NPAS3: variants seen among roughly 807,000 people sequenced by gnomAD.
NPAS3 encodes neuronal PAS domain-containing protein 3.
Under a neutral mutation model 73.1 loss-of-function variants are expected in NPAS3, and 14 were observed. The observed-to-expected ratio is 0.19, with a 90% confidence interval of 0.13 to 0.30. The LOEUF (loss-of-function observed/expected upper bound fraction) is 0.30. Ranked by LOEUF, NPAS3 falls within the 10% of genes least tolerant of loss-of-function variation. The probability of loss-of-function intolerance (pLI) is 1.00; values close to 1 mark genes in which losing one functional copy is unlikely to be tolerated. For synonymous variants in NPAS3, 620 were observed against 541.5 expected (o/e 1.14, Z -2.01); for missense variants, 1,096 against 1,250.0 (o/e 0.88, Z 1.86).
chr14:33,443,094 T>A (rs1161559960), intron 4 of NPAS3, among the ~76,000 whole-genome samples: 1 of 152,204 alleles, frequency 6.6e-6, no homozygotes, highest in Non-Finnish European at 1.5e-5. Context: ...TTGACCAGCT[T>A]CCCTCAGTTA....
chr14:33,612,967 A>C (rs576897448), intron 5 of NPAS3, among the ~76,000 whole-genome samples: 1 of 152,362 alleles, frequency 6.6e-6, no homozygotes, highest in Admixed American at 6.5e-5. Flanking sequence ...AAAAAAGAAA[A>C]AGAAAAAAGC....
intron 1 of NPAS3, among the ~76,000 whole-genome samples, chr14:33,036,307 G>T (rs777735178): frequency 6.6e-6 from 1 of 152,122 alleles, no homozygotes; most frequent in Non-Finnish European, 1.5e-5. Flanking sequence ...TATAATAACT[G>T]CTGGCAGCTT....
chr14:33,492,263 A>G (rs1485920023), intron 4 of NPAS3, among the ~76,000 whole-genome samples: 2 of 152,144 alleles, frequency 1.3e-5, no homozygotes, highest in African/African-American at 2.4e-5. Context: ...TACCTCTGAA[A>G]GATTTTCATG....
intron 3 of NPAS3, among the ~76,000 whole-genome samples, chr14:33,311,621 C>A (rs1429349185): frequency 6.6e-6 from 1 of 152,078 alleles, no homozygotes; most frequent in East Asian, 1.9e-4. Context: ...TACAAGGTAG[C>A]CTTAATTCAT....
chr14:33,134,363 C>T (rs781419737), intron 2 of NPAS3, among the ~76,000 whole-genome samples: 20 of 152,174 alleles, frequency 1.3e-4, no homozygotes, highest in African/African-American at 3.1e-4. Context: ...ACACTGTCAA[C>T]GGCGCTATCA....
In NPAS3 at chr14:33,800,257, G is replaced by A. The variant is rs748056286; in HGVS notation, c.1950G>A (p.Thr650=). Residue 650 remains threonine, a synonymous_variant, in exon 12 of 12, where the codon ACG becomes ACA. Transcript: ENST00000356141. This position sits in a 1 kb window ranked among gnomAD's most constrained non-coding sequence, Gnocchi z 6.5. ...GTGCCTCGGTGCTCAAGATCAAGAC[G>A]GAGATCTCAGAACCCATCAATTTCG... 3 of 1,613,334 alleles carry A rather than the reference G, an allele frequency of 1.9e-6. No individual in the cohort carries two copies. Among genetic ancestry groups the A allele is most frequent in the East Asian group, 4.5e-5 (2 of 44,832 alleles).
chr14:33,089,632 G>C (rs4578549), intron 2 of NPAS3, among the ~76,000 whole-genome samples: 79,455 of 151,832 alleles, frequency 0.52, 21,438 homozygotes, highest in African/African-American at 0.67. Context: ...CATTCAAATT[G>C]AGGAAATACA....
intron 4 of NPAS3, among the ~76,000 whole-genome samples, chr14:33,440,049 G>A (rs1037185106): frequency 6.6e-6 from 1 of 151,486 alleles, no homozygotes. Context: ...CCAGGAGGCA[G>A]AGCTTGCAGT....
intron 4 of NPAS3, among the ~76,000 whole-genome samples, chr14:33,400,748 G>A (rs2047409475): frequency 6.6e-6 from 1 of 152,010 alleles, no homozygotes; most frequent in African/African-American, 2.4e-5. Context: ...AATAAGATGA[G>A]TGGTAGTGGG....
chr14:33,187,592 G>A (rs67872912), intron 2 of NPAS3, among the ~76,000 whole-genome samples: 47,087 of 152,062 alleles, frequency 0.31, 8,140 homozygotes, highest in East Asian at 0.51. Context: ...AGCTACTCAG[G>A]AAGCTGAGAC....
At chr14:33,070,277 CT>C (rs199666619) in intron 2 of NPAS3, among the ~76,000 whole-genome samples, 2 of 151,456 alleles carry the variant, frequency 1.3e-5, no homozygotes, top group Admixed American at 6.6e-5. Flanking sequence ...TATCTCCTTT[CT>C]TTTTTTTTCT....
chr14:33,769,753 T>TTCC (rs1566519962), intron 7 of NPAS3, among the ~76,000 whole-genome samples: 67 of 107,914 alleles, frequency 6.2e-4, no homozygotes, highest in Admixed American at 8.9e-4. Context: ...GGATTTTTTT[T>TTCC]TTCTTTTTTT....
chr14:33,723,852 C>A (rs915210185), intron 6 of NPAS3, among the ~76,000 whole-genome samples: 1 of 152,154 alleles, frequency 6.6e-6, no homozygotes, highest in Non-Finnish European at 1.5e-5. Context: ...TTCCTGTGTA[C>A]CCCTCAGCTC....
chr14:33,472,633 T>A (rs2050836792), intron 4 of NPAS3, among the ~76,000 whole-genome samples: 1 of 144,332 alleles, frequency 6.9e-6, no homozygotes, highest in African/African-American at 2.9e-5. Context: ...TGGAGGTTAG[T>A]GAGAAATGAT....
chr14:33,405,517 A>T (rs2047628023), intron 4 of NPAS3, among the ~76,000 whole-genome samples: 1 of 152,126 alleles, frequency 6.6e-6, no homozygotes, highest in Admixed American at 6.6e-5. Context: ...TACAGTGAGG[A>T]ACTTGACCAG....
At chr14:33,197,268 T>TG (rs1555353808) in intron 2 of NPAS3, among the ~76,000 whole-genome samples, 1,289 of 98,026 alleles carry the variant, frequency 0.013, 8 homozygotes, top group African/African-American at 0.025. Context: ...TGTGTGTGTG[T>TG]TCTTTTTCAA....
intron 6 of NPAS3, among the ~76,000 whole-genome samples, chr14:33,709,027 T>C (rs570285754): frequency 2.9e-4 from 44 of 152,326 alleles, no homozygotes; most frequent in Admixed American, 2.4e-3. Context: ...CTATTACTGA[T>C]TGAAAATAGA....
chr14:33,593,495 A>T (rs1285887190), intron 5 of NPAS3, among the ~76,000 whole-genome samples: 5 of 152,216 alleles, frequency 3.3e-5, no homozygotes, highest in Admixed American at 2.0e-4. Flanking sequence ...CTTTAGTTGG[A>T]TCTGCAGAGC....
intron 4 of NPAS3, among the ~76,000 whole-genome samples, chr14:33,526,632 A>C (rs1321349304): frequency 6.6e-6 from 1 of 151,566 alleles, no homozygotes; most frequent in Non-Finnish European, 1.5e-5. Flanking sequence ...CAGGGGAAAA[A>C]ATCAAACTAG....
Sources: allele counts gnomAD v4.1 joint callset (sites outside exome capture counted in the v4.1 genomes callset), GRCh38; gene constraint gnomAD v4.1.1; non-coding constraint Gnocchi (gnomAD v3.1); transcripts MANE v1.5; gene names NCBI Gene and HGNC (gene_info 2026-07-23, HGNC 2026-07-21).